The following RSRP1 variants were observed in gnomAD, a reference collection of about 807,000 sequenced individuals.
RSRP1 encodes arginine/serine-rich protein 1.
In RSRP1, 37 loss-of-function variants were observed where a neutral mutation model predicts 33.0. The ratio of observed to expected loss-of-function variants is 1.12; its 90% CI spans 0.86 to 1.48. The LOEUF (loss-of-function observed/expected upper bound fraction) is 1.48, where lower values mean the gene tolerates loss of function less well. Ranked by LOEUF, RSRP1 falls within the 40% of genes most tolerant of loss-of-function variation. RSRP1 has a pLI of 0.00. For missense variants in RSRP1, 402 were observed against 385.3 expected (o/e 1.04, Z -0.36); for synonymous variants, 167 against 158.7 (o/e 1.05, Z -0.40).
intron 1 of RSRP1, among the ~76,000 whole-genome samples, chr1:25,305,722 T>C (rs2124688453): frequency 7.7e-6 from 1 of 130,592 alleles, no homozygotes; most frequent in East Asian, 2.0e-4. Context: ...TGCCTCAGCC[T>C]CCTGAGTAGC....
At chr1:25,256,784 G>A (rs1488985731) in intron 1 of RSRP1, among the ~76,000 whole-genome samples, 1 of 152,060 alleles carries the variant, frequency 6.6e-6, no homozygotes. Context: ...AGATCTCACA[G>A]GAGGCCCTCA....
intron 3 of RSRP1, chr1:25,244,502 T>C (rs1639179833): frequency 1.6e-6 from 2 of 1,289,236 alleles, no homozygotes; most frequent in Admixed American, 2.3e-5. Context: ...ATGATTTCTA[T>C]AAGACAGAAA....
intron 1 of RSRP1, among the ~76,000 whole-genome samples, chr1:25,286,682 A>G (rs1481920111): frequency 7.5e-6 from 1 of 133,856 alleles, no homozygotes; most frequent in Non-Finnish European, 1.8e-5. Flanking sequence ...GCCACTCGGG[A>G]GGCTGAGGCA....
At chr1:25,267,631 C>T (rs1640349465) in intron 1 of RSRP1, 1 of 127,472 alleles carries the variant, frequency 7.8e-6, no homozygotes, top group Non-Finnish European at 1.9e-5. Flanking sequence ...CGCTGTGTGG[C>T]CGCAAACCTG....
At chr1:25,295,847 G>A (rs1411496479) in intron 1 of RSRP1, among the ~76,000 whole-genome samples, 1 of 104,038 alleles carries the variant, frequency 9.6e-6, no homozygotes, top group African/African-American at 3.2e-5. Context: ...GGGAATATGG[G>A]AAATTTTTTT....
At position 25,332,468 on chromosome 1, in the gene RSRP1, A is replaced by T. The variant is rs1645031616; in HGVS notation, c.-67+5510T>A. On this transcript the variant is annotated intron_variant, in intron 1 of 1. Coordinates refer to the RSRP1 transcript ENST00000561867. ...GGGGATATATCCATGAATGAACTAT[A>T]GTCCCTGTTATTAAGTAATCCGTAG... 1.5e-5 allele frequency among the ~76,000 whole-genome samples: 2 copies of T among 132,704 alleles called. 1 individual carries two copies. Among genetic ancestry groups the T allele is most frequent in the Non-Finnish European group, 3.6e-5 (2 of 56,078 alleles). 87.1% of individuals were successfully genotyped at this position (132,704 alleles called of 152,430 possible).
chr1:25,307,855 G>C (rs1395297280), intron 1 of RSRP1: 2 of 1,292,214 alleles, frequency 1.5e-6, no homozygotes, highest in Admixed American at 2.1e-5. Context: ...GGGATGAGCT[G>C]TGTGAAGCAA....
Position 25,292,492 on chromosome 1 carries a change from G to T in RSRP1, c.-66-45463C>A, listed in dbSNP as rs1380782161. Among the ~76,000 whole-genome samples the T allele has an allele frequency of 2.3e-5, 3 of 132,012 alleles. No homozygotes were observed. In the East Asian group the frequency reaches 5.8e-4, roughly 26 times the overall value. The allele number at this position is 132,012 out of a possible 152,430, so 86.6% of individuals were successfully genotyped here. ...AGGATTTGCTGATAGACTGCACGTG[G>T]GGTGGGAGAGGGTCAAGATGACTTC... On this transcript the variant is annotated intron_variant, in intron 1 of 1. Transcript: ENST00000561867.
chr1:25,303,288 T>C lies in RSRP1; in HGVS notation c.-67+34690A>G, dbSNP rs758015520. ...AGCAAGATGGTGTTCTCTCTCTACC[T>C]TGCTTCCTTTACCCACACGCTATTT... On this transcript the variant is annotated intron_variant, in intron 1 of 1. Coordinates refer to the RSRP1 transcript ENST00000561867. 9 of 1,295,578 alleles carry C rather than the reference T, an allele frequency of 6.9e-6. 1 individual carries two copies. The highest frequency in any genetic ancestry group is 9.9e-6 in the Non-Finnish European group (9 of 905,104). 80.3% of individuals were successfully genotyped at this position (1,295,578 alleles called of 1,614,324 possible). A position where few individuals can be genotyped will look rare whatever the true frequency, so the allele number is the denominator to read the frequency against.
At chr1:25,247,464 C>A (rs1260265326), upstream of RSRP1, 2 of 154,080 alleles carry the variant, frequency 1.3e-5, no homozygotes, top group Admixed American at 6.5e-5. Context: ...TGAGGGACTA[C>A]GTTAGCAGAC....
At chr1:25,320,332 C>T (rs1571751286) in intron 1 of RSRP1, among the ~76,000 whole-genome samples, 1 of 132,350 alleles carries the variant, frequency 7.6e-6, no homozygotes, top group East Asian at 2.0e-4. Context: ...AGTGATGGTT[C>T]TGATTTTTTT....
chr1:25,252,438 G>T (rs561233753), upstream of RSRP1, among the ~76,000 whole-genome samples: 2 of 152,036 alleles, frequency 1.3e-5, no homozygotes, highest in Non-Finnish European at 2.9e-5. Context: ...TCACCAGACC[G>T]GGAAGCAACA....
At chr1:25,315,598 G>A (rs28505383) in intron 1 of RSRP1, among the ~76,000 whole-genome samples, 17 of 124,574 alleles carry the variant, frequency 1.4e-4, no homozygotes, top group Non-Finnish European at 1.7e-4. Context: ...CCAGGTTCAC[G>A]CCGTTCTCCT....
At chr1:25,244,552 T>G (rs1639187056) in intron 3 of RSRP1, 1 of 1,288,490 alleles carries the variant, frequency 7.8e-7, no homozygotes, top group Non-Finnish European at 1.0e-6. Context: ...GAGTACAGAA[T>G]TTGTGGGAAC....
At chr1:25,321,365 A>C (rs1363173658) in intron 1 of RSRP1, among the ~76,000 whole-genome samples, 2 of 124,998 alleles carry the variant, frequency 1.6e-5, no homozygotes, top group African/African-American at 5.4e-5. Context: ...AAAAAAAAAA[A>C]TGTCTACAGA....
intron 1 of RSRP1, among the ~76,000 whole-genome samples, chr1:25,295,800 G>A (rs2986164): frequency 0.79 from 78,733 of 99,552 alleles, 33,549 homozygotes; most frequent in Middle Eastern, 0.91. Context: ...AGGGAGCTGG[G>A]GATGTTTGGG....
chr1:25,268,972 A>C (rs562700877), intron 1 of RSRP1, among the ~76,000 whole-genome samples: 5 of 127,596 alleles, frequency 3.9e-5, no homozygotes, highest in African/African-American at 1.3e-4. Flanking sequence ...AAAATAGGGC[A>C]GTCAGGGAAA....
rs757004958 is a variant in RSRP1 at position 25,283,219 on chromosome 1, C to A, written c.-66-36190G>T. On this transcript the variant is annotated intron_variant, in intron 1 of 1. Transcript: ENST00000561867. ...TGGTAGTCTAAGGCACAGGCTCCAG[C>A]AGATTATCTAGGTGTAAATCTTGGC... 2.3e-5 allele frequency among the ~76,000 whole-genome samples: 3 copies of A among 132,144 alleles called. 1 individual carries two copies. The highest frequency in any genetic ancestry group is 5.4e-5 in the Non-Finnish European group (3 of 55,772). 86.7% of individuals were successfully genotyped at this position (132,144 alleles called of 152,430 possible). A position where few individuals can be genotyped will look rare whatever the true frequency, so the allele number is the denominator to read the frequency against.
chr1:25,299,308 A>G (rs1288498111), intron 1 of RSRP1, among the ~76,000 whole-genome samples: 2 of 130,084 alleles, frequency 1.5e-5, no homozygotes, highest in South Asian at 2.3e-4. Flanking sequence ...CTTGAACCCA[A>G]CGGGTGGAGG....
Sources: gnomAD v4.1 joint callset for allele counts (sites outside exome capture counted in the v4.1 genomes callset) on GRCh38, gnomAD v4.1.1 for gene constraint, MANE v1.5 for transcripts, NCBI Gene and HGNC (gene_info 2026-07-23, HGNC 2026-07-21) for gene names.